Variants in KAT2B observed in about 807,000 individuals in gnomAD.
KAT2B encodes the protein histone acetyltransferase KAT2B.
In KAT2B, 36 loss-of-function variants were observed where a neutral mutation model predicts 105.9. The observed-to-expected ratio is 0.34, with a 90% confidence interval of 0.26 to 0.45. KAT2B has a LOEUF of 0.45. Ranked by LOEUF, KAT2B falls within the 20% of genes least tolerant of loss-of-function variation. KAT2B has a pLI of 1.00. For synonymous variants in KAT2B, 397 were observed against 377.9 expected (o/e 1.05, Z -0.59); for missense variants, 820 against 1,021.6 (o/e 0.80, Z 2.69).
At chr3:20,078,661 C>T (rs964038237) in intron 2 of KAT2B, among the ~76,000 whole-genome samples, 1 of 151,218 alleles carries the variant, frequency 6.6e-6, no homozygotes, top group Non-Finnish European at 1.5e-5. Flanking sequence ...TTACAGCTAC[C>T]GCACCCTTCA....
Position 20,153,986 on chromosome 3 carries a change from C to A in KAT2B, c.*1461C>A. The A allele has an allele frequency of 6.5e-6, 1 of 152,698 alleles. No homozygotes were observed. The highest frequency in any genetic ancestry group is 3.4e-3 in the Middle Eastern group (1 of 294). 9.5% of individuals were successfully genotyped at this position (152,698 alleles called of 1,614,324 possible). ...GTAAGAGATATTCAGAATGCTCACA[C>A]TGAAAATGCCTCAACTTTTTAAAGT... On this transcript the variant is annotated 3_prime_UTR_variant, in exon 18 of 18. Transcript: ENST00000263754.
In KAT2B at chr3:20,137,142, T is replaced by C. The variant is rs547295138; in HGVS notation, c.1860+90T>C. The C allele has an allele frequency of 6.4e-4, 442 of 687,276 alleles. 1 individual carries two copies. Among genetic ancestry groups the C allele is most frequent in the Non-Finnish European group, 9.7e-4 (370 of 382,656 alleles). The allele number at this position is 687,276 out of a possible 1,614,324, so 42.6% of individuals were successfully genotyped here. A position where few individuals can be genotyped will look rare whatever the true frequency, so the allele number is the denominator to read the frequency against. On this transcript the variant is annotated intron_variant, in intron 12 of 17. Transcript: ENST00000263754. ...TCTTCCAAATAAGTTTCTCCCCCAG[T>C]GTTTTCTACTTATAAGAACAGGCAT...
At chr3:20,099,337 G>A (rs1698867386) in intron 3 of KAT2B, among the ~76,000 whole-genome samples, 1 of 152,190 alleles carries the variant, frequency 6.6e-6, no homozygotes, top group African/African-American at 2.4e-5. Flanking sequence ...CCTAGATGAT[G>A]CGTATGCCGT....
At chr3:20,075,702 G>C (rs2125183400) in intron 2 of KAT2B, among the ~76,000 whole-genome samples, 1 of 152,182 alleles carries the variant, frequency 6.6e-6, no homozygotes, top group South Asian at 2.1e-4. Context: ...GCAAGGTTTG[G>C]GGAAGGGGAG....
intron 2 of KAT2B, among the ~76,000 whole-genome samples, chr3:20,087,943 T>G (rs1698649568): frequency 8.0e-6 from 1 of 125,544 alleles, no homozygotes; most frequent in Admixed American, 7.5e-5. Context: ...CCTAGCTAAT[T>G]AAAAAAAAAT....
At chr3:20,129,076 G>A (rs1417570534) in intron 11 of KAT2B, among the ~76,000 whole-genome samples, 11 of 150,510 alleles carry the variant, frequency 7.3e-5, no homozygotes, top group African/African-American at 2.7e-4. Context: ...AAGATTAGCA[G>A]CTCCGGATGA....
intron 5 of KAT2B, among the ~76,000 whole-genome samples, chr3:20,104,147 G>A (rs938717103): frequency 4.6e-5 from 7 of 152,130 alleles, no homozygotes; most frequent in Admixed American, 4.6e-4. Flanking sequence ...GCAGGGAATA[G>A]AAAAACAGCA....
intron 2 of KAT2B, among the ~76,000 whole-genome samples, chr3:20,085,482 C>T: frequency 6.6e-6 from 1 of 151,622 alleles, no homozygotes; most frequent in South Asian, 2.1e-4. Context: ...TGTTTACACA[C>T]ACACATAATT....
intron 11 of KAT2B, among the ~76,000 whole-genome samples, chr3:20,129,179 C>A (rs1334322908): frequency 6.6e-6 from 1 of 151,762 alleles, no homozygotes; most frequent in East Asian, 1.9e-4. Context: ...GTTATAAAAG[C>A]ACACATATTA....
At chr3:20,143,735 G>T (rs1699734379) in intron 13 of KAT2B, among the ~76,000 whole-genome samples, 1 of 152,184 alleles carries the variant, frequency 6.6e-6, no homozygotes, top group African/African-American at 2.4e-5. Context: ...CTTTGCAACA[G>T]TGTGGGTTTA....
chr3:20,059,290 A>G (rs566346491), intron 1 of KAT2B, among the ~76,000 whole-genome samples: 158 of 150,688 alleles, frequency 1.0e-3, no homozygotes, highest in Non-Finnish European at 1.6e-3. Flanking sequence ...GCATGCGTCT[A>G]GTAGTCCCAG....
chr3:20,086,369 C>T lies in KAT2B; in HGVS notation c.431-8894C>T, dbSNP rs541181905. Among the ~76,000 whole-genome samples the T allele has an allele frequency of 2.6e-5, 4 of 152,140 alleles. No individual in the cohort carries two copies. The East Asian group carries it at 7.7e-4, about 29-fold the overall frequency. On this transcript the variant is annotated intron_variant, in intron 2 of 17. Coordinates refer to ENST00000263754, the MANE Select transcript of KAT2B (RefSeq NM_003884.5). ...ATTCTAGCACTTTGGGAATCCGAGA[C>T]GGGAGGATCACTTGAGCCCAGGAGT...
intron 2 of KAT2B, among the ~76,000 whole-genome samples, chr3:20,077,669 G>A (rs1436418671): frequency 6.6e-6 from 1 of 152,044 alleles, no homozygotes; most frequent in Non-Finnish European, 1.5e-5. Context: ...TATTTCTACT[G>A]GAAAATTTAA....
chr3:20,059,957 ATGGTC>A (rs1160937739), intron 1 of KAT2B, among the ~76,000 whole-genome samples: 1 of 152,078 alleles, frequency 6.6e-6, no homozygotes, highest in African/African-American at 2.4e-5. Flanking sequence ...CCTTTTCTGG[ATGGTC>A]ATGTAAATGG....
At chr3:20,064,211 G>A in intron 1 of KAT2B, among the ~76,000 whole-genome samples, 1 of 152,118 alleles carries the variant, frequency 6.6e-6, no homozygotes. Flanking sequence ...CTTATTTTGT[G>A]TTTAATTGAC....
intron 1 of KAT2B, among the ~76,000 whole-genome samples, chr3:20,044,282 G>A (rs1333581427): frequency 1.3e-5 from 2 of 151,764 alleles, no homozygotes; most frequent in East Asian, 1.9e-4. Flanking sequence ...GGAATTTGAG[G>A]CCATCCTGGG....
chr3:20,134,460 G>T (rs1699565850), intron 11 of KAT2B, among the ~76,000 whole-genome samples: 1 of 152,264 alleles, frequency 6.6e-6, no homozygotes, highest in Non-Finnish European at 1.5e-5. Context: ...GCGTTGGCGC[G>T]ATCTCAGCTC....
At chr3:20,132,868 C>T (rs1242546080) in intron 11 of KAT2B, among the ~76,000 whole-genome samples, 1 of 152,164 alleles carries the variant, frequency 6.6e-6, no homozygotes, top group Non-Finnish European at 1.5e-5. Flanking sequence ...TTTCTATTAA[C>T]TCCTTACAAG....
intron 10 of KAT2B, 137 bp from the exon 11 acceptor site, chr3:20,127,286 T>C (rs993708173): frequency 2.6e-6 from 2 of 758,366 alleles, no homozygotes; most frequent in African/African-American, 3.5e-5. Context: ...TCTAGCGAGA[T>C]AGGGGCTACA....
Sources: gnomAD v4.1 joint callset for allele counts (sites outside exome capture counted in the v4.1 genomes callset) on GRCh38, gnomAD v4.1.1 for gene constraint, MANE v1.5 for transcripts, NCBI Gene and HGNC (gene_info 2026-07-23, HGNC 2026-07-21) for gene names.